POLE: variants seen among roughly 807,000 people sequenced by gnomAD.
POLE encodes DNA polymerase epsilon catalytic subunit A.
Under a neutral mutation model 279.2 loss-of-function variants are expected in POLE, and 188 were observed. That is an observed-to-expected ratio of 0.67 (90% CI 0.60 to 0.76). The LOEUF (loss-of-function observed/expected upper bound fraction) is 0.76. POLE is among the 30% of genes least tolerant of loss of function. The probability of loss-of-function intolerance (pLI) is 0.00; values close to 1 mark genes in which losing one functional copy is unlikely to be tolerated. For missense variants in POLE, 2,703 were observed against 3,016.7 expected (o/e 0.90, Z 2.44); for synonymous variants, 1,214 against 1,172.5 (o/e 1.04, Z -0.72).
intron 41 of POLE, among the ~76,000 whole-genome samples, chr12:132,636,440 GGAAAA>G (rs1565930653): frequency 1.4e-5 from 1 of 70,364 alleles, no homozygotes; most frequent in South Asian, 4.7e-4. Flanking sequence ...ATCCATTTAA[GGAAAA>G]AAAAAAAAAA....
chr12:132,673,070 C>A (rs2042966895), intron 14 of POLE, 94 bp downstream of exon 14: 1 of 904,580 alleles, frequency 1.1e-6, no homozygotes, highest in East Asian at 2.4e-5. Flanking sequence ...GGTGCCAGCA[C>A]TCCTGGGACA....
intron 16 of POLE, among the ~76,000 whole-genome samples, chr12:132,669,918 G>A (rs768696016): frequency 3.3e-5 from 5 of 152,256 alleles, no homozygotes; most frequent in African/African-American, 1.2e-4. Context: ...ACAGGACAAT[G>A]TCATCTACAG....
chr12:132,658,858 T>C (rs1243106757), intron 26 of POLE, among the ~76,000 whole-genome samples: 1 of 113,782 alleles, frequency 8.8e-6, no homozygotes, highest in African/African-American at 3.3e-5. Context: ...GCATTTGTAC[T>C]GGTCCTATTT....
Position 132,638,040 on chromosome 12 carries a change from G to A in POLE, c.5652C>T (p.Ile1884=), listed in dbSNP as rs567300887. 28 of 1,614,030 alleles carry A rather than the reference G, an allele frequency of 1.7e-5. No individual in the cohort carries two copies. The highest frequency in any genetic ancestry group is 1.2e-4 in the African/African-American group (9 of 75,022). Residue 1884 remains isoleucine, a synonymous_variant, in exon 41 of 49, where the codon ATC becomes ATT. Transcript: ENST00000320574. ...TGCTGGTGATGTACTCCACGTAAGC[G>A]ATGGCATCTTCCACACGGCGCTTCT... The part of the protein sequence containing the change: ...CTKKRRVEDA[I]AYVEYITSSI...
chr12:132,680,757 T>C (rs2043149974), intron 2 of POLE, 70 bp from the exon 3 acceptor site: 6 of 1,266,942 alleles, frequency 4.7e-6, no homozygotes, highest in Non-Finnish European at 6.9e-6. Context: ...TCCTCCTACC[T>C]TTCGGGAAAC....
chr12:132,624,422 T>C lies in POLE; in HGVS notation c.*275A>G. On this transcript the variant is annotated 3_prime_UTR_variant, in exon 49 of 49. Transcript: ENST00000320574. ...GAGGCCTGGAAAAGCATTCACTGCG[T>C]GAGAAACGGCGCCCAGGGCACTCGC... 1.9e-6 allele frequency: 1 copy of C among 531,172 alleles called. No individual in the cohort carries two copies. Among genetic ancestry groups the C allele is most frequent in the Non-Finnish European group, 3.4e-6 (1 of 294,032 alleles). The allele number at this position is 531,172 out of a possible 1,614,324, so 32.9% of individuals were successfully genotyped here.
At chr12:132,676,768 C>T in intron 8 of POLE, 115 bp from the exon 9 acceptor site, 1 of 694,312 alleles carries the variant, frequency 1.4e-6, no homozygotes, top group Non-Finnish European at 2.6e-6. Context: ...TCAAAAGGCT[C>T]TAGAGCTGGG....
At chr12:132,625,189 C>A in intron 47 of POLE, 195 bp from the exon 48 acceptor site, 1 of 689,514 alleles carries the variant, frequency 1.5e-6, no homozygotes. Context: ...CCTACACCCA[C>A]CCTCGCTGTG....
At chr12:132,643,581 G>C (rs1565939879) in intron 33 of POLE, 21 bp from the exon 34 acceptor site, 2 of 1,613,692 alleles carry the variant, frequency 1.2e-6, no homozygotes, top group Non-Finnish European at 8.5e-7. Context: ...CGGGCAGACA[G>C]GCCGGCAAGG....
chr12:132,642,945 C>T lies in POLE; in HGVS notation c.4603G>A (p.Gly1535Ser), dbSNP rs138564205. Reference sequence around the variant, plus strand: ...GGGCCCACCTTCTCCAGGAGGAGGCCGTGCTCTGCTGAGTACAGGGCGCCA... The same window carrying T: ...GGGCCCACCTTCTCCAGGAGGAGGCTGTGCTCTGCTGAGTACAGGGCGCCA... Reference protein sequence around the residue: ...SLGALYSAEHGLLLEKVGPEL... With the variant: ...SLGALYSAEHSLLLEKVGPEL... Residue 1535 changes from glycine to serine, a missense_variant, in exon 36 of 49, where the codon GGC (glycine) becomes AGC (serine). Physicochemically the swap from Gly to Ser is moderately conservative, Grantham distance 56. Around this residue, in one of 5 missense-constraint regions of POLE, gnomAD observed 1,551 missense variants for 1,686.1 expected, o/e 0.92. Coordinates refer to ENST00000320574, the MANE Select transcript of POLE (RefSeq NM_006231.4). The T allele has an allele frequency of 6.6e-5, 106 of 1,611,428 alleles. No individual in the cohort carries two copies. Among genetic ancestry groups the T allele is most frequent in the African/African-American group, 2.5e-4 (19 of 74,734 alleles).
chr12:132,679,535 C>A lies in POLE; in HGVS notation c.540G>T (p.Gln180His), dbSNP rs750966735. Reference protein sequence around the residue: ...ISPAVKKNREQDHASDAYTAL... With the variant: ...ISPAVKKNREHDHASDAYTAL... ...CTGTGTACGCGTCGCTGGCGTGATC[C>A]TGCTCCCTGTTCTTCTTCACGGCAG... The change falls in exon 6 of 49, where the codon CAG (glutamine) becomes CAT (histidine). Residue 180 changes from glutamine to histidine, a missense_variant. By Grantham distance (24) the Gln-to-His change is conservative (BLOSUM62 0). Transcript: ENST00000320574. 2 of 1,614,054 alleles carry A rather than the reference C, an allele frequency of 1.2e-6. No individual in the cohort carries two copies. Among genetic ancestry groups the A allele is most frequent in the Non-Finnish European group, 1.7e-6 (2 of 1,179,900 alleles).
intron 32 of POLE, 132 bp downstream of exon 32, chr12:132,648,797 G>T: frequency 1.0e-6 from 1 of 987,108 alleles, no homozygotes; most frequent in African/African-American, 1.6e-5. Flanking sequence ...GCTCACACAC[G>T]TTGTTTTGAG....
At position 132,643,514 on chromosome 12, in the gene POLE, A is replaced by G; in HGVS notation, c.4337T>C (p.Val1446Ala). 2 of 1,609,836 alleles carry G rather than the reference A, an allele frequency of 1.2e-6. No individual in the cohort carries two copies. The highest frequency in any genetic ancestry group is 1.3e-5 in the African/African-American group (1 of 74,944). The change falls in exon 34 of 49, where the codon GTG becomes GCG. Residue 1446 changes from valine (V) to alanine (A), a missense_variant. Val to Ala is a moderately conservative substitution (Grantham distance 64). Around this residue, in one of 5 missense-constraint regions of POLE, gnomAD observed 1,551 missense variants for 1,686.1 expected, o/e 0.92. Coordinates refer to ENST00000320574, the MANE Select transcript of POLE (RefSeq NM_006231.4). ...RALVHLGCVC[V>A]VNKQLVRHLS... ...GTGCCTCACCAGCTGTTTATTGACC[A>G]CACACACACAGCCCAGGTGCACCAG...
chr12:132,647,491 T>C (rs1220876210), intron 32 of POLE, among the ~76,000 whole-genome samples: 1 of 151,914 alleles, frequency 6.6e-6, no homozygotes. Context: ...TCTTGCTTTT[T>C]AAGGAATAGA....
intron 1 of POLE, 151 bp downstream of exon 1, chr12:132,687,103 C>G: frequency 5.3e-6 from 2 of 380,498 alleles, no homozygotes; most frequent in Non-Finnish European, 8.4e-6. Flanking sequence ...CGTCGGCGGT[C>G]GGGGCGCGCC....
At chr12:132,636,413 A>G (rs1051944303) in intron 41 of POLE, among the ~76,000 whole-genome samples, 11 of 130,196 alleles carry the variant, frequency 8.4e-5, no homozygotes, top group African/African-American at 3.3e-4. Context: ...GCGCTGACCC[A>G]ATCCTCTGCA....
At chr12:132,662,571 G>C (rs747164068) in intron 23 of POLE, among the ~76,000 whole-genome samples, 1 of 152,134 alleles carries the variant, frequency 6.6e-6, no homozygotes, top group Non-Finnish European at 1.5e-5. Flanking sequence ...CACTATGAGA[G>C]ACTGGAAGCT....
chr12:132,642,969 C>T lies in POLE; in HGVS notation c.4579G>A (p.Gly1527Ser), dbSNP rs760271332. The T allele has an allele frequency of 3.8e-6, 6 of 1,595,312 alleles. No homozygotes were observed. In the South Asian group the frequency reaches 5.7e-5, roughly 15 times the overall value. Residue 1527 changes from glycine (G) to serine (S), a missense_variant, in exon 36 of 49, where the codon GGC becomes AGC. Physicochemically the swap from Gly to Ser is moderately conservative, Grantham distance 56. Transcript: ENST00000320574. ...TVRSNQMPSL[G>S]ALYSAEHGLL... is the part of the protein sequence containing the mutation. ...CCGTGCTCTGCTGAGTACAGGGCGC[C>T]AAGGCTGGGCATCTGGTTGCTGCGC...
At chr12:132,670,218 A>C (rs2042893146) in intron 16 of POLE, among the ~76,000 whole-genome samples, 1 of 149,312 alleles carries the variant, frequency 6.7e-6, no homozygotes, top group Non-Finnish European at 1.5e-5. Flanking sequence ...TAAAAATACA[A>C]AAAAAAAATT....
Sources: gnomAD v4.1 joint callset for allele counts (sites outside exome capture counted in the v4.1 genomes callset) on GRCh38, gnomAD v4.1.1 for gene constraint, gnomAD v4.1.1 regional missense constraint, MANE v1.5 for transcripts, NCBI Gene and HGNC (gene_info 2026-07-23, HGNC 2026-07-21) for gene names.